The following PHKB variants were observed in gnomAD, a reference collection of about 807,000 sequenced individuals.
PHKB encodes the protein phosphorylase b kinase regulatory subunit beta.
PHKB carries 122 observed loss-of-function variants against 152.1 expected under a neutral mutation model. That is an observed-to-expected ratio of 0.80 (90% CI 0.69 to 0.93). The LOEUF is 0.93. Among genes scored for constraint, PHKB ranks in the 40% least tolerant of loss-of-function variants. The probability of loss-of-function intolerance (pLI) is 0.00; values close to 1 mark genes in which losing one functional copy is unlikely to be tolerated. For synonymous variants in PHKB, 436 were observed against 464.9 expected (o/e 0.94, Z 0.80); for missense variants, 1,304 against 1,328.4 (o/e 0.98, Z 0.29).
chr16:47,695,866 G>A (rs539202007), intron 28 of PHKB, among the ~76,000 whole-genome samples: 1 of 152,336 alleles, frequency 6.6e-6, no homozygotes, highest in South Asian at 2.1e-4. Flanking sequence ...GGGCAGAGTA[G>A]AGGAAATTCT....
intron 1 of PHKB, among the ~76,000 whole-genome samples, chr16:47,478,196 G>T (rs1597015659): frequency 2.0e-5 from 3 of 152,234 alleles, no homozygotes; most frequent in Admixed American, 2.0e-4. Context: ...TTTACAAGAT[G>T]AGAGTTATTT....
At chr16:47,580,727 G>A (rs1971830162) in intron 8 of PHKB, among the ~76,000 whole-genome samples, 1 of 151,890 alleles carries the variant, frequency 6.6e-6, no homozygotes, top group African/African-American at 2.4e-5. Flanking sequence ...TGGTTTCAAT[G>A]TAATGTATTT....
At chr16:47,471,488 G>A (rs1002839906) in intron 1 of PHKB, among the ~76,000 whole-genome samples, 2 of 152,166 alleles carry the variant, frequency 1.3e-5, no homozygotes, top group Non-Finnish European at 2.9e-5. Flanking sequence ...CCTCATGGCC[G>A]AAGCTGTGTG....
At chr16:47,619,448 A>G (rs1365312991) in intron 14 of PHKB, 2 of 152,188 alleles carry the variant, frequency 1.3e-5, no homozygotes, top group South Asian at 2.1e-4. Context: ...GGGATTCATT[A>G]TATCATCATG....
chr16:47,662,020 G>A (rs1973454017), intron 23 of PHKB, among the ~76,000 whole-genome samples: 1 of 152,152 alleles, frequency 6.6e-6, no homozygotes, highest in African/African-American at 2.4e-5. Flanking sequence ...ATGCTTGATT[G>A]TTTCTCTGAT....
chr16:47,610,042 G>A (rs1374772813), intron 13 of PHKB, among the ~76,000 whole-genome samples: 1 of 151,508 alleles, frequency 6.6e-6, no homozygotes, highest in Non-Finnish European at 1.5e-5. Context: ...GCCCAGGCTG[G>A]AGTACAGTGG....
chr16:47,610,553 CAT>C (rs982216490), intron 13 of PHKB, among the ~76,000 whole-genome samples: 3 of 152,180 alleles, frequency 2.0e-5, no homozygotes, highest in Non-Finnish European at 4.4e-5. Flanking sequence ...TTCATTTCCA[CAT>C]ATGTGTGAAT....
chr16:47,513,338 A>G (rs1258384207), intron 5 of PHKB, among the ~76,000 whole-genome samples: 1 of 152,208 alleles, frequency 6.6e-6, no homozygotes, highest in African/African-American at 2.4e-5. Context: ...TCAATGCTGT[A>G]AGAGAACATA....
At chr16:47,572,170 C>T (rs964372078) in intron 7 of PHKB, among the ~76,000 whole-genome samples, 2 of 152,196 alleles carry the variant, frequency 1.3e-5, no homozygotes. Context: ...TTTGTGTGAG[C>T]AAGGACCCAA....
chr16:47,607,889 G>C (rs1004078031), intron 13 of PHKB, among the ~76,000 whole-genome samples: 8 of 152,024 alleles, frequency 5.3e-5, no homozygotes, highest in African/African-American at 1.9e-4. Context: ...TAATGGATAT[G>C]AAGTGATACC....
At chr16:47,591,052 T>C (rs1463956395) in intron 10 of PHKB, among the ~76,000 whole-genome samples, 1 of 152,108 alleles carries the variant, frequency 6.6e-6, no homozygotes, top group East Asian at 1.9e-4. Flanking sequence ...CCCATCCTAT[T>C]CTCTTTTCCT....
chr16:47,574,527 C>T (rs1198238652), intron 7 of PHKB, among the ~76,000 whole-genome samples: 1 of 152,172 alleles, frequency 6.6e-6, no homozygotes, highest in African/African-American at 2.4e-5. Flanking sequence ...CTAACAATGC[C>T]TCCAATCTGG....
chr16:47,650,080 C>T (rs1438361906), intron 18 of PHKB, among the ~76,000 whole-genome samples: 2 of 151,950 alleles, frequency 1.3e-5, no homozygotes, highest in Admixed American at 6.6e-5. Context: ...ATGATTGTTC[C>T]CCCTGAGGCC....
At chr16:47,648,082 T>A (rs1973166641) in intron 16 of PHKB, among the ~76,000 whole-genome samples, 1 of 152,224 alleles carries the variant, frequency 6.6e-6, no homozygotes, top group Admixed American at 6.5e-5. Context: ...GTGGTTTGAA[T>A]ATTTCATAAA....
intron 6 of PHKB, among the ~76,000 whole-genome samples, chr16:47,522,586 G>T: frequency 6.7e-6 from 1 of 149,008 alleles, no homozygotes; most frequent in Non-Finnish European, 1.5e-5. Flanking sequence ...GTTGGTTTAG[G>T]TTCATTTTTC....
intron 2 of PHKB, among the ~76,000 whole-genome samples, chr16:47,499,372 G>A (rs1412328775): frequency 6.6e-6 from 1 of 152,146 alleles, no homozygotes; most frequent in African/African-American, 2.4e-5. Context: ...TTGTGCATTT[G>A]CTTTAAGTTT....
intron 4 of PHKB, 101 bp from the exon 5 acceptor site, chr16:47,511,564 G>C: frequency 1.2e-6 from 1 of 857,990 alleles, no homozygotes; most frequent in Non-Finnish European, 2.0e-6. Flanking sequence ...CTCTGCCTTA[G>C]CTTTGTTCAT....
At chr16:47,565,727 T>A in intron 7 of PHKB, 2 of 1,483,216 alleles carry the variant, frequency 1.3e-6, no homozygotes, top group Non-Finnish European at 1.9e-6. Context: ...ATCGTTCTAG[T>A]TTTGGCTCAT....
intron 14 of PHKB, among the ~76,000 whole-genome samples, chr16:47,623,777 C>T (rs530353920): frequency 2.5e-4 from 38 of 152,000 alleles, no homozygotes; most frequent in African/African-American, 8.2e-4. Flanking sequence ...AGGTTGGTCT[C>T]GAACTCCTGA....
Sources: gnomAD v4.1 joint callset for allele counts (sites outside exome capture counted in the v4.1 genomes callset) on GRCh38, gnomAD v4.1.1 for gene constraint, MANE v1.5 for transcripts, NCBI Gene and HGNC (gene_info 2026-07-23, HGNC 2026-07-21) for gene names.